FZD3: variants seen among roughly 807,000 people sequenced by gnomAD.
FZD3 encodes the protein frizzled class receptor 3.
FZD3 carries 30 observed loss-of-function variants against 60.7 expected under a neutral mutation model. That is an observed-to-expected ratio of 0.49 (90% CI 0.37 to 0.67). The LOEUF (loss-of-function observed/expected upper bound fraction) is 0.67. Ranked by LOEUF, FZD3 falls within the 30% of genes least tolerant of loss-of-function variation. FZD3 has a pLI of 0.00. For missense variants in FZD3, 605 were observed against 838.7 expected (o/e 0.72, Z 3.44); for synonymous variants, 246 against 275.2 (o/e 0.89, Z 1.05).
chr8:28,528,163 A>G lies in FZD3; in HGVS notation c.1403A>G (p.Gln468Arg), dbSNP rs1804768905. 6.3e-7 allele frequency: 1 copy of G among 1,597,256 alleles called. No individual in the cohort carries two copies. The highest frequency in any genetic ancestry group is 1.4e-5 in the African/African-American group (1 of 74,062). ...GAATATCACATTCCATGTCCATATC[A>G]GGTAAGGGAAACCTTGTTACAAATT... ...CREYHIPCPYQVTQMSRPDLI... is the reference protein window; with the variant it reads ...CREYHIPCPYRVTQMSRPDLI... The change falls in exon 5 of 8, where the codon CAG becomes CGG. Residue 468 changes from glutamine to arginine, a missense_variant and splice_region_variant. Physicochemically the swap from Gln to Arg is conservative, Grantham distance 43 (BLOSUM62 1). Transcript: ENST00000240093.
chr8:28,531,991 A>G lies in FZD3; in HGVS notation c.1404+3827A>G, dbSNP rs192759611. On this transcript the variant is annotated intron_variant, in intron 5 of 7. Coordinates refer to ENST00000240093, the MANE Select transcript of FZD3 (RefSeq NM_017412.4). ...TCTACAATTTGCTTTTTTGATTCAT[A>G]TCTCTAATCCCATAAAATTTATTTT... is the stretch of plus-strand genomic sequence containing the variant. 4.0e-3 allele frequency among the ~76,000 whole-genome samples: 608 copies of G among 152,236 alleles called. 1 individual carries two copies. Among genetic ancestry groups the G allele is most frequent in the Non-Finnish European group, 4.8e-3 (327 of 68,004 alleles).
chr8:28,527,788 C>G lies in FZD3; in HGVS notation c.1028C>G (p.Thr343Ser), dbSNP rs752082426. 3 of 1,614,114 alleles carry G rather than the reference C, an allele frequency of 1.9e-6. No homozygotes were observed. Among genetic ancestry groups the G allele is most frequent in the Non-Finnish European group, 2.5e-6 (3 of 1,179,984 alleles). Residue 343 changes from threonine to serine, a missense_variant, in exon 5 of 8, where the codon ACC (threonine) becomes AGC (serine). By Grantham distance (58) the Thr-to-Ser change is moderately conservative. Transcript: ENST00000240093. This position sits in a 1 kb window ranked among gnomAD's most constrained non-coding sequence, Gnocchi z 5.0. ...GCATGGGGCATCCCCGGAACTCTAA[C>G]CATCATCCTTTTAGCGATGAATAAA... The part of the protein sequence containing the change: ...ASAWGIPGTL[T>S]IILLAMNKIE...
intron 3 of FZD3, among the ~76,000 whole-genome samples, chr8:28,509,645 C>G (rs540125623): frequency 6.6e-6 from 1 of 152,316 alleles, no homozygotes; most frequent in Non-Finnish European, 1.5e-5. Context: ...TTCTTTGCCT[C>G]TGAAGTTGAC....
intron 3 of FZD3, among the ~76,000 whole-genome samples, chr8:28,503,807 C>T (rs1804064144): frequency 6.6e-6 from 1 of 152,046 alleles, no homozygotes; most frequent in African/African-American, 2.4e-5. Context: ...GTAGACAAAC[C>T]TGGGTTTGAA....
Position 28,574,243 on chromosome 8 carries a change from A to C in FZD3, c.*11232A>C, listed in dbSNP as rs1805855594. On this transcript the variant is annotated 3_prime_UTR_variant, in exon 8 of 8. Transcript: ENST00000240093. ...GGTTATAAATTGGAGATTTTTAATA[A>C]AATTAAATAATTCTCTTTTCTGTCA... is the stretch of plus-strand genomic sequence containing the variant. 6.6e-6 allele frequency: 1 copy of C among 152,198 alleles called. No individual in the cohort carries two copies. The highest frequency in any genetic ancestry group is 6.5e-5 in the Admixed American group (1 of 15,270). The allele number at this position is 152,198 out of a possible 1,614,324, so 9.4% of individuals were successfully genotyped here.
At chr8:28,533,186 C>G (rs146767210) in intron 5 of FZD3, among the ~76,000 whole-genome samples, 1 of 151,668 alleles carries the variant, frequency 6.6e-6, no homozygotes, top group East Asian at 1.9e-4. Context: ...CATGATCAAT[C>G]TTGTTAAAGG....
intron 4 of FZD3, among the ~76,000 whole-genome samples, chr8:28,524,608 C>A (rs1308251480): frequency 3.9e-5 from 6 of 152,310 alleles, no homozygotes. Flanking sequence ...ATTTCCTTCT[C>A]GGATCCTCCT....
At chr8:28,512,147 G>C (rs73557295) in intron 3 of FZD3, among the ~76,000 whole-genome samples, 302 of 152,020 alleles carry the variant, frequency 2.0e-3, no homozygotes, top group African/African-American at 7.0e-3. Context: ...GGGTGGTAGG[G>C]GACAGAGTGT....
At chr8:28,511,671 A>G (rs1249765790) in intron 3 of FZD3, among the ~76,000 whole-genome samples, 5 of 152,154 alleles carry the variant, frequency 3.3e-5, no homozygotes, top group African/African-American at 1.2e-4. Flanking sequence ...TTAATTTTCA[A>G]GGCGTGGTGT....
chr8:28,494,626 G>A (rs1013875974), intron 1 of FZD3, among the ~76,000 whole-genome samples: 4 of 152,074 alleles, frequency 2.6e-5, no homozygotes, highest in Non-Finnish European at 4.4e-5. Flanking sequence ...GGGGGCTGAG[G>A]GCTGAGGGCT....
At chr8:28,508,353 T>G (rs936433381) in intron 3 of FZD3, among the ~76,000 whole-genome samples, 3 of 152,042 alleles carry the variant, frequency 2.0e-5, no homozygotes, top group Non-Finnish European at 4.4e-5. Flanking sequence ...GCTTAAGAGA[T>G]CACTATCTGG....
At chr8:28,516,633 T>G (rs1804434650) in intron 3 of FZD3, among the ~76,000 whole-genome samples, 1 of 152,192 alleles carries the variant, frequency 6.6e-6, no homozygotes, top group South Asian at 2.1e-4. Context: ...TATTTATTAT[T>G]TTTGATGCTC....
chr8:28,536,443 C>T (rs929311346), intron 5 of FZD3, among the ~76,000 whole-genome samples: 44 of 152,218 alleles, frequency 2.9e-4, no homozygotes, highest in African/African-American at 9.9e-4. Flanking sequence ...CGCAGTGGCT[C>T]ATGCCTGTAA....
At chr8:28,521,034 T>A (rs760705797) in intron 4 of FZD3, among the ~76,000 whole-genome samples, 200 bp downstream of exon 4, 14 of 152,204 alleles carry the variant, frequency 9.2e-5, no homozygotes, top group Non-Finnish European at 1.5e-4. Flanking sequence ...AACATTTCTG[T>A]GAAGAAGTTT....
intron 7 of FZD3, 120 bp from the exon 8 acceptor site, chr8:28,562,678 C>A: frequency 1.5e-6 from 1 of 661,614 alleles, no homozygotes. Context: ...TTGGTTATTA[C>A]TTTCTCATGG....
At chr8:28,533,577 GTTTGTTTTGT>G (rs199572463) in intron 5 of FZD3, among the ~76,000 whole-genome samples, 2,163 of 150,732 alleles carry the variant, frequency 0.014, 50 homozygotes, top group African/African-American at 0.047. Context: ...GTAACTTTAT[GTTTGTTTTGT>G]TTTGTTTTGT....
At position 28,573,553 on chromosome 8, in the gene FZD3, G is replaced by A. The variant is rs1367548868; in HGVS notation, c.*10542G>A. Reference sequence around the variant, plus strand: ...TATTTATGGGCCTTATGAAGTCAGGGCCTGCTGATCCTGTTTTTTAAGTTC... The same window carrying A: ...TATTTATGGGCCTTATGAAGTCAGGACCTGCTGATCCTGTTTTTTAAGTTC... On this transcript the variant is annotated 3_prime_UTR_variant, in exon 8 of 8. Coordinates refer to ENST00000240093, the MANE Select transcript of FZD3 (RefSeq NM_017412.4). 1 of 150,654 alleles carries A rather than the reference G, an allele frequency of 6.6e-6. No individual in the cohort carries two copies. Among genetic ancestry groups the A allele is most frequent in the Non-Finnish European group, 1.5e-5 (1 of 67,694 alleles). 9.3% of individuals were successfully genotyped at this position (150,654 alleles called of 1,614,324 possible).
At chr8:28,557,946 T>C (rs1805542560) in intron 7 of FZD3, among the ~76,000 whole-genome samples, 1 of 152,180 alleles carries the variant, frequency 6.6e-6, no homozygotes, top group Non-Finnish European at 1.5e-5. Flanking sequence ...TAATAAATCA[T>C]AGAAAGTGAA....
chr8:28,541,579 T>C (rs911361116), intron 5 of FZD3, among the ~76,000 whole-genome samples: 1 of 152,212 alleles, frequency 6.6e-6, no homozygotes, highest in African/African-American at 2.4e-5. Context: ...CTCTGTTTTC[T>C]TTCCTTTCTC....
Sources: allele counts gnomAD v4.1 joint callset (sites outside exome capture counted in the v4.1 genomes callset), GRCh38; gene constraint gnomAD v4.1.1; non-coding constraint Gnocchi (gnomAD v3.1); transcripts MANE v1.5; gene names NCBI Gene and HGNC (gene_info 2026-07-23, HGNC 2026-07-21).